CDH13: variants seen among roughly 807,000 people sequenced by gnomAD.
The protein encoded by CDH13 is cadherin-13.
In CDH13, 24 loss-of-function variants were observed where a neutral mutation model predicts 63.8. The observed-to-expected ratio is 0.38, with a 90% CI of 0.27 to 0.53. The LOEUF is 0.53. CDH13 is among the 20% of genes least tolerant of loss of function. The probability of loss-of-function intolerance (pLI) is 0.85; values close to 1 mark genes in which losing one functional copy is unlikely to be tolerated. For synonymous variants in CDH13, 503 were observed against 355.3 expected, an observed-to-expected ratio of 1.42 and a Z score of -4.67; for missense variants, 1,049 against 903.1, an observed-to-expected ratio of 1.16 and a Z score of -2.07.
intron 2 of CDH13, among the ~76,000 whole-genome samples, chr16:82,993,040 TTTTG>T (rs1435726693): frequency 6.6e-6 from 1 of 152,142 alleles, no homozygotes; most frequent in Admixed American, 6.5e-5. Flanking sequence ...ATGCCAGCTA[TTTTG>T]TTTGTTTGTT....
chr16:83,226,261 C>A (rs1005943127), intron 5 of CDH13, among the ~76,000 whole-genome samples: 9 of 152,280 alleles, frequency 5.9e-5, no homozygotes, highest in African/African-American at 1.9e-4. Flanking sequence ...AGAGGTTAAA[C>A]GACCTTGTGG....
intron 4 of CDH13, among the ~76,000 whole-genome samples, chr16:83,181,685 T>A (rs2038352246): frequency 6.6e-6 from 1 of 152,154 alleles, no homozygotes; most frequent in Non-Finnish European, 1.5e-5. Flanking sequence ...GGAAGGCTTG[T>A]GGGACAGAGC....
At chr16:83,461,662 T>C (rs963003062) in intron 6 of CDH13, among the ~76,000 whole-genome samples, 11 of 152,216 alleles carry the variant, frequency 7.2e-5, no homozygotes, top group African/African-American at 2.7e-4. Context: ...ACAGCTAGCA[T>C]GCATCAAGGT....
chr16:83,499,893 C>G (rs925919631), intron 7 of CDH13, among the ~76,000 whole-genome samples: 1 of 152,282 alleles, frequency 6.6e-6, no homozygotes, highest in Non-Finnish European at 1.5e-5. Flanking sequence ...ATCTCCACCT[C>G]CCGGGTTCAA....
chr16:83,461,842 C>T (rs1456093617), intron 6 of CDH13, among the ~76,000 whole-genome samples: 1 of 152,144 alleles, frequency 6.6e-6, no homozygotes, highest in African/African-American at 2.4e-5. Context: ...TCCAGAAGAT[C>T]GATTCTGGCT....
chr16:83,445,733 G>C (rs553756423), intron 6 of CDH13, among the ~76,000 whole-genome samples: 4 of 152,276 alleles, frequency 2.6e-5, no homozygotes, highest in African/African-American at 9.6e-5. Context: ...GAGATTTCCA[G>C]AATTCAGTTA....
chr16:83,087,923 C>G (rs1325739512), intron 3 of CDH13, among the ~76,000 whole-genome samples: 1 of 152,098 alleles, frequency 6.6e-6, no homozygotes, highest in African/African-American at 2.4e-5. Context: ...ATAGTGTGGC[C>G]TTTACCTTTA....
Position 83,092,810 on chromosome 16 carries a change from C to T in CDH13, c.367-32575C>T, listed in dbSNP as rs1380676642. On this transcript the variant is annotated intron_variant, in intron 3 of 13. Transcript: ENST00000567109. ...ACCAAATCTAGAATCTCCCAAGAGA[C>T]TCCAAATTTAGTACATTAATTTTTC... Among the ~76,000 whole-genome samples the T allele has an allele frequency of 3.9e-5, 6 of 152,180 alleles. No individual in the cohort carries two copies. In the South Asian group the frequency reaches 6.2e-4, roughly 16 times the overall value.
At chr16:83,569,618 C>G (rs1416875381) in intron 7 of CDH13, among the ~76,000 whole-genome samples, 18 of 152,182 alleles carry the variant, frequency 1.2e-4, no homozygotes, top group Non-Finnish European at 2.4e-4. Flanking sequence ...TTATCTTCTT[C>G]CCAAGATAAC....
intron 2 of CDH13, among the ~76,000 whole-genome samples, chr16:82,867,585 T>C (rs536086800): frequency 1.3e-5 from 2 of 152,188 alleles, no homozygotes; most frequent in South Asian, 2.1e-4. Context: ...AGGTCCTCCA[T>C]GGAGTGTGTG....
chr16:83,378,395 C>A (rs1245841308), intron 6 of CDH13, among the ~76,000 whole-genome samples: 1 of 152,156 alleles, frequency 6.6e-6, no homozygotes, highest in African/African-American at 2.4e-5. Flanking sequence ...ATCCCTTGAC[C>A]ATGAGTTTTT....
chr16:83,537,208 G>A (rs960309523), intron 7 of CDH13, among the ~76,000 whole-genome samples: 2 of 152,154 alleles, frequency 1.3e-5, no homozygotes, highest in African/African-American at 4.8e-5. Context: ...CTACAAAGAA[G>A]GTACAGAATA....
chr16:83,300,640 C>A (rs947463571), intron 5 of CDH13, among the ~76,000 whole-genome samples: 1 of 152,206 alleles, frequency 6.6e-6, no homozygotes, highest in Non-Finnish European at 1.5e-5. Context: ...TCTGCCCTCC[C>A]AGAACCTAGT....
chr16:83,000,234 T>A (rs1431705078), intron 2 of CDH13, among the ~76,000 whole-genome samples: 7 of 83,072 alleles, frequency 8.4e-5, no homozygotes, highest in South Asian at 4.9e-4. Flanking sequence ...TTTTTTTTTT[T>A]TTTTTTTTTT....
intron 7 of CDH13, among the ~76,000 whole-genome samples, chr16:83,570,972 A>ATATATATATATATATATATATATATAT (rs57638289): frequency 7.3e-5 from 8 of 109,592 alleles, no homozygotes; most frequent in East Asian, 2.8e-4. Flanking sequence ...TATATATATA[A>ATATATATATATATATATATATATATAT]AAACCTTCTG....
intron 7 of CDH13, among the ~76,000 whole-genome samples, chr16:83,540,425 A>G (rs2075277723): frequency 6.6e-6 from 1 of 152,178 alleles, no homozygotes; most frequent in Non-Finnish European, 1.5e-5. Context: ...GTGTTCAGTT[A>G]AGCAGCTGAC....
At chr16:82,793,530 G>C (rs997366628) in intron 1 of CDH13, among the ~76,000 whole-genome samples, 5 of 152,190 alleles carry the variant, frequency 3.3e-5, no homozygotes, top group Non-Finnish European at 7.3e-5. Flanking sequence ...CCGTTCTCCT[G>C]AATGGTTATT....
intron 7 of CDH13, among the ~76,000 whole-genome samples, chr16:83,509,041 C>T (rs1021443193): frequency 1.3e-5 from 2 of 152,222 alleles, no homozygotes; most frequent in African/African-American, 4.8e-5. Context: ...CAGAAACCCT[C>T]TGCCCTCCCT....
chr16:82,985,471 G>A (rs1381365015), intron 2 of CDH13, among the ~76,000 whole-genome samples: 1 of 152,178 alleles, frequency 6.6e-6, no homozygotes, highest in Non-Finnish European at 1.5e-5. Flanking sequence ...GATGACAACT[G>A]TATTCATTAG....
Sources: allele counts gnomAD v4.1 joint callset (sites outside exome capture counted in the v4.1 genomes callset), GRCh38; gene constraint gnomAD v4.1.1; transcripts MANE v1.5; gene names NCBI Gene and HGNC (gene_info 2026-07-23, HGNC 2026-07-21).